The following PLEKHA1 variants were observed in gnomAD, a reference collection of about 807,000 sequenced individuals.
The protein encoded by PLEKHA1 is pleckstrin homology domain containing A1, also known as pleckstrin homology domain-containing family A member 1.
A neutral mutation model predicts 52.0 loss-of-function variants in PLEKHA1; 34 were observed. The ratio of observed to expected loss-of-function variants is 0.65; its 90% CI spans 0.50 to 0.87. The LOEUF (loss-of-function observed/expected upper bound fraction) is 0.87. Among genes scored for constraint, PLEKHA1 ranks in the 40% least tolerant of loss-of-function variants. PLEKHA1 has a pLI of 0.00. For synonymous variants in PLEKHA1, 163 were observed against 170.7 expected (o/e 0.95, Z 0.35); for missense variants, 497 against 504.2 (o/e 0.99, Z 0.14).
At chr10:122,426,874 TA>T in intron 10 of PLEKHA1, 67 bp from the exon 11 acceptor site, 1 of 1,285,506 alleles carries the variant, frequency 7.8e-7, no homozygotes, top group Non-Finnish European at 1.1e-6. Flanking sequence ...TCAAAATAAA[TA>T]CATTGGCTGT....
intron 2 of PLEKHA1, among the ~76,000 whole-genome samples, chr10:122,395,887 T>C (rs768136805): frequency 1.9e-4 from 29 of 152,136 alleles, no homozygotes; most frequent in Non-Finnish European, 3.2e-4. Context: ...TTTGAAGATA[T>C]TCGAAAAAGT....
At position 122,424,182 on chromosome 10, in the gene PLEKHA1, T is replaced by G. The variant is rs201899349; in HGVS notation, c.682-17T>G. On this transcript the variant is annotated splice_polypyrimidine_tract_variant and intron_variant, in intron 8 of 11. Coordinates refer to ENST00000368990, the MANE Select transcript of PLEKHA1 (RefSeq NM_001001974.4). The stretch of plus-strand genomic sequence containing the variant: ...AACATCATGTAACTGTTTTTTTTTT[T>G]TTTTTTTTTTTGCCAGGAAAAGGAA... 1.4e-4 allele frequency: 206 copies of G among 1,467,952 alleles called. No individual in the cohort carries two copies. The East Asian group carries it at 2.7e-3, about 19-fold the overall frequency. 90.9% of individuals were successfully genotyped at this position (1,467,952 alleles called of 1,614,324 possible).
chr10:122,377,065 G>A (rs1309453274), intron 1 of PLEKHA1, among the ~76,000 whole-genome samples: 5 of 152,120 alleles, frequency 3.3e-5, no homozygotes, highest in Admixed American at 3.3e-4. Flanking sequence ...TATTTTAATT[G>A]TGTGATAATT....
At chr10:122,409,340 A>G (rs2097072233) in intron 5 of PLEKHA1, among the ~76,000 whole-genome samples, 1 of 152,240 alleles carries the variant, frequency 6.6e-6, no homozygotes, top group Non-Finnish European at 1.5e-5. Flanking sequence ...GAAAAGAGCA[A>G]CAGTGGGAGA....
At chr10:122,383,886 T>C (rs2096651366) in intron 1 of PLEKHA1, among the ~76,000 whole-genome samples, 1 of 152,196 alleles carries the variant, frequency 6.6e-6, no homozygotes, top group Non-Finnish European at 1.5e-5. Flanking sequence ...ATTCATAGGT[T>C]TCTCCTCTAG....
chr10:122,431,940 T>C lies in PLEKHA1; in HGVS notation c.*2002T>C, dbSNP rs916894625. The C allele has an allele frequency of 2.6e-5, 4 of 152,168 alleles. No homozygotes were observed. 9.4% of individuals were successfully genotyped at this position (152,168 alleles called of 1,614,324 possible). A position where few individuals can be genotyped will look rare whatever the true frequency, so the allele number is the denominator to read the frequency against. ...GTTTAATTTTGGTACAGCTTCCACA[T>C]TGCATGTTCACTTTAGTATTTGCAA... On this transcript the variant is annotated 3_prime_UTR_variant, in exon 12 of 12. Transcript: ENST00000368990.
In PLEKHA1 at chr10:122,429,913, C is replaced by T. The variant is rs748361102; in HGVS notation, c.1190C>T (p.Ala397Val). The T allele has an allele frequency of 1.2e-5, 19 of 1,613,328 alleles. No individual in the cohort carries two copies. The highest frequency in any genetic ancestry group is 3.3e-5 in the Admixed American group (2 of 59,936). Reference sequence around the variant, plus strand: ...TGTGACCTAGTAGACTTGGACGATGCGAGCCTTCCGGTCAGTGACGTGTGA... The same window carrying T: ...TGTGACCTAGTAGACTTGGACGATGTGAGCCTTCCGGTCAGTGACGTGTGA... ...KDCDLVDLDD[A>V]SLPVSDV is the part of the protein sequence containing the mutation. The change falls in exon 12 of 12, where the codon GCG becomes GTG. Residue 397 changes from alanine to valine, a missense_variant. Transcript: ENST00000368990.
At chr10:122,415,274 C>T (rs1423849239) in intron 6 of PLEKHA1, among the ~76,000 whole-genome samples, 1 of 152,108 alleles carries the variant, frequency 6.6e-6, no homozygotes. Context: ...TCTTGGAGAA[C>T]AGATTAGTGG....
intron 7 of PLEKHA1, among the ~76,000 whole-genome samples, chr10:122,416,216 C>G (rs191226437): frequency 7.5e-4 from 114 of 152,274 alleles, no homozygotes; most frequent in Non-Finnish European, 1.4e-3. Context: ...AAAGTTAATG[C>G]CCATTACCAC....
At chr10:122,419,124 G>A (rs1399398419) in intron 8 of PLEKHA1, 2 of 152,180 alleles carry the variant, frequency 1.3e-5, no homozygotes, top group East Asian at 3.9e-4. Context: ...CTTCTGGGAA[G>A]CTTTTAGACT....
chr10:122,409,355 G>A (rs750804772), intron 5 of PLEKHA1, among the ~76,000 whole-genome samples: 5 of 152,182 alleles, frequency 3.3e-5, no homozygotes, highest in Non-Finnish European at 7.3e-5. Flanking sequence ...GGGAGAATCA[G>A]CCCCGAAGGG....
chr10:122,427,056 AT>A lies in PLEKHA1; in HGVS notation c.900+26del, dbSNP rs770553575. Reference sequence around the variant, plus strand: ...TGTAGGTTTCCTGCTCTCTGGGGTGATACTCCCTTGCGTCTCCCCCATCCTA... The same window carrying A: ...TGTAGGTTTCCTGCTCTCTGGGGTGAACTCCCTTGCGTCTCCCCCATCCTA... On this transcript the variant is annotated intron_variant, in intron 11 of 11. Coordinates refer to ENST00000368990, the MANE Select transcript of PLEKHA1 (RefSeq NM_001001974.4). The A allele has an allele frequency of 8.5e-5, 135 of 1,589,640 alleles. 1 individual carries two copies. Among genetic ancestry groups the A allele is most frequent in the Admixed American group, 1.2e-4 (7 of 59,842 alleles).
At chr10:122,395,211 ACT>A (rs200045318) in intron 2 of PLEKHA1, among the ~76,000 whole-genome samples, 1 of 144,930 alleles carries the variant, frequency 6.9e-6, no homozygotes, top group African/African-American at 2.5e-5. Context: ...GTCCACATAA[ACT>A]TTTAAAATCC....
At chr10:122,428,628 A>T (rs1203163225) in intron 11 of PLEKHA1, among the ~76,000 whole-genome samples, 1 of 152,186 alleles carries the variant, frequency 6.6e-6, no homozygotes, top group Non-Finnish European at 1.5e-5. Context: ...TTATGTATTT[A>T]AAAATTTTTA....
At chr10:122,428,235 G>T in intron 11 of PLEKHA1, 1 of 1,488,818 alleles carries the variant, frequency 6.7e-7, no homozygotes, top group Non-Finnish European at 9.0e-7. Context: ...CCTCTACCCA[G>T]TATAGGTTAA....
At chr10:122,378,830 T>G (rs2096574428) in intron 1 of PLEKHA1, among the ~76,000 whole-genome samples, 1 of 151,534 alleles carries the variant, frequency 6.6e-6, no homozygotes, top group Non-Finnish European at 1.5e-5. Context: ...AATTTAAAGG[T>G]TTTTTTTCCC....
At chr10:122,384,594 G>A (rs369531673) in intron 1 of PLEKHA1, among the ~76,000 whole-genome samples, 2 of 127,394 alleles carry the variant, frequency 1.6e-5, no homozygotes, top group African/African-American at 6.0e-5. Context: ...GGGTGACAGA[G>A]CGAGACTCTG....
chr10:122,442,417 A>G, the PLEKHA1 span: 1 of 152,214 alleles, frequency 6.6e-6, no homozygotes, highest in Non-Finnish European at 1.5e-5. Context: ...AAAAAAAATA[A>G]AAATGATTTG....
In PLEKHA1 at chr10:122,424,227, T is replaced by G; in HGVS notation, c.710T>G (p.Leu237Arg). 6.5e-7 allele frequency: 1 copy of G among 1,548,846 alleles called. No homozygotes were observed. The highest frequency in any genetic ancestry group is 8.8e-7 in the Non-Finnish European group (1 of 1,142,282). Residue 237 changes from leucine (L) to arginine (R), a missense_variant, in exon 9 of 12, where the codon CTT becomes CGT. Coordinates refer to ENST00000368990, the MANE Select transcript of PLEKHA1 (RefSeq NM_001001974.4). Reference protein sequence around the residue: ...LEKEPLRVIPLKEVHKVQECK... With the variant: ...LEKEPLRVIPRKEVHKVQECK... Reference sequence around the variant, plus strand: ...AAGGAACCTCTTCGTGTAATACCACTTAAAGAGGTTCATAAAGTCCAGGAA... The same window carrying G: ...AAGGAACCTCTTCGTGTAATACCACGTAAAGAGGTTCATAAAGTCCAGGAA...
Sources: allele counts gnomAD v4.1 joint callset (sites outside exome capture counted in the v4.1 genomes callset), GRCh38; gene constraint gnomAD v4.1.1; transcripts MANE v1.5; gene names NCBI Gene and HGNC (gene_info 2026-07-23, HGNC 2026-07-21).